Variants in BMPER observed in about 807,000 individuals in gnomAD.
BMPER encodes the protein BMP-binding endothelial regulator protein.
A neutral mutation model predicts 87.3 loss-of-function variants in BMPER; 45 were observed. The ratio of observed to expected loss-of-function variants is 0.52; its 90% CI spans 0.41 to 0.66. BMPER has a LOEUF of 0.66. Among genes scored for constraint, BMPER ranks in the 30% least tolerant of loss-of-function variants. The pLI, the probability that BMPER is intolerant of heterozygous loss-of-function variation, is 0.00. For synonymous variants in BMPER, 326 were observed against 316.2 expected, an observed-to-expected ratio of 1.03 and a Z score of -0.33; for missense variants, 784 against 867.5, an observed-to-expected ratio of 0.90 and a Z score of 1.21.
chr7:33,906,778 G>C (rs765235612), intron 1 of BMPER, 40 bp from the exon 2 acceptor site: 3 of 1,558,836 alleles, frequency 1.9e-6, no homozygotes, highest in East Asian at 2.2e-5. Flanking sequence ...ATGCTGCTAA[G>C]CTAACTTTAA....
chr7:34,115,560 C>A (rs538991267), intron 13 of BMPER, among the ~76,000 whole-genome samples: 64 of 152,286 alleles, frequency 4.2e-4, no homozygotes, highest in Admixed American at 2.4e-3. Context: ...TAGATTTTCC[C>A]ATTCTGAACA....
Position 34,051,977 on chromosome 7 carries a change from C to T in BMPER, c.786+7C>T, listed in dbSNP as rs201938612. The T allele has an allele frequency of 2.5e-6, 4 of 1,604,876 alleles. No individual in the cohort carries two copies. The highest frequency in any genetic ancestry group is 3.4e-6 in the Non-Finnish European group (4 of 1,171,650). ...CACAGCTTGTACCTGCAGGGTAAGGCAGCTCTGAGAGGCTGTGGTCCAGCA... is the reference window on the plus strand; with the variant it reads ...CACAGCTTGTACCTGCAGGGTAAGGTAGCTCTGAGAGGCTGTGGTCCAGCA... On this transcript the variant is annotated splice_region_variant and intron_variant, in intron 8 of 14. Coordinates refer to ENST00000649409, the MANE Select transcript of BMPER (RefSeq NM_001365308.1).
chr7:33,947,938 TTA>T (rs1784926634), intron 3 of BMPER, among the ~76,000 whole-genome samples: 1 of 152,194 alleles, frequency 6.6e-6, no homozygotes, highest in Admixed American at 6.5e-5. Context: ...AAAAAAACTC[TTA>T]TATGAAAATA....
At chr7:34,118,042 G>A (rs1672655983) in intron 13 of BMPER, among the ~76,000 whole-genome samples, 2 of 152,236 alleles carry the variant, frequency 1.3e-5, no homozygotes, top group Admixed American at 6.5e-5. Flanking sequence ...CAGGCCCAGT[G>A]CAGTGGCTCA....
chr7:33,969,374 A>G (rs1012220171), intron 4 of BMPER, among the ~76,000 whole-genome samples: 5 of 152,172 alleles, frequency 3.3e-5, no homozygotes, highest in Non-Finnish European at 7.4e-5. Flanking sequence ...CCCAATATCA[A>G]TTTGCAAATG....
intron 14 of BMPER, among the ~76,000 whole-genome samples, chr7:34,150,554 G>C (rs1365583244): frequency 6.6e-6 from 1 of 152,072 alleles, no homozygotes; most frequent in African/African-American, 2.4e-5. Context: ...TATTCAGCTT[G>C]GATGTTTCCA....
intron 6 of BMPER, among the ~76,000 whole-genome samples, chr7:34,033,525 C>G (rs889814184): frequency 4.6e-5 from 7 of 152,144 alleles, no homozygotes; most frequent in Non-Finnish European, 1.0e-4. Flanking sequence ...TAAGCTTTCA[C>G]TTAATCTGCC....
chr7:34,147,159 C>G (rs1377273610), intron 14 of BMPER, among the ~76,000 whole-genome samples: 1 of 152,182 alleles, frequency 6.6e-6, no homozygotes, highest in Non-Finnish European at 1.5e-5. Flanking sequence ...CCTTGTTTGG[C>G]TCTGCAAACC....
chr7:34,118,653 A>T (rs746767440), intron 13 of BMPER, among the ~76,000 whole-genome samples: 10 of 152,168 alleles, frequency 6.6e-5, no homozygotes, highest in Non-Finnish European at 1.3e-4. Flanking sequence ...TTGTGTGCCA[A>T]TTTGGCTAAG....
chr7:33,910,827 G>C (rs1783942951), intron 2 of BMPER, among the ~76,000 whole-genome samples: 1 of 152,124 alleles, frequency 6.6e-6, no homozygotes, highest in South Asian at 2.1e-4. Flanking sequence ...GGAGCTCCCA[G>C]CATCTTAGAT....
chr7:33,943,275 G>T (rs1182585910), intron 3 of BMPER, among the ~76,000 whole-genome samples: 7 of 152,026 alleles, frequency 4.6e-5, no homozygotes, highest in Admixed American at 4.6e-4. Context: ...TTACATAAAT[G>T]GAAAGAAATG....
At position 34,028,197 on chromosome 7, in the gene BMPER, A is replaced by G. The variant is rs139903354; in HGVS notation, c.577-18109A>G. Among the ~76,000 whole-genome samples, 28 of 152,234 alleles carry G rather than the reference A, an allele frequency of 1.8e-4. No individual in the cohort carries two copies. The East Asian group carries it at 5.4e-3, about 29-fold the overall frequency. On this transcript the variant is annotated intron_variant, in intron 6 of 14. Coordinates refer to ENST00000649409, the MANE Select transcript of BMPER (RefSeq NM_001365308.1). Reference sequence around the variant, plus strand: ...CAACATATTGCAATAAACTGAATGAAACAAATAGGAAAATCCAATGTCTTT... The same window carrying G: ...CAACATATTGCAATAAACTGAATGAGACAAATAGGAAAATCCAATGTCTTT...
At chr7:34,077,380 A>G (rs1257500975) in intron 11 of BMPER, among the ~76,000 whole-genome samples, 1 of 152,176 alleles carries the variant, frequency 6.6e-6, no homozygotes, top group East Asian at 1.9e-4. Flanking sequence ...CAAGAAAGGA[A>G]TAAGAAAGGA....
intron 6 of BMPER, among the ~76,000 whole-genome samples, chr7:33,989,434 A>T (rs567809627): frequency 3.1e-4 from 47 of 152,136 alleles, no homozygotes; most frequent in African/African-American, 1.0e-3. Flanking sequence ...GTGTCTGTTC[A>T]TGTCCTTCGC....
intron 2 of BMPER, among the ~76,000 whole-genome samples, chr7:33,914,043 G>C (rs1003398268): frequency 6.7e-6 from 1 of 149,856 alleles, no homozygotes; most frequent in Non-Finnish European, 1.5e-5. Context: ...CTCACTGCAA[G>C]CTCCGCCTCC....
chr7:34,123,312 G>C (rs1790309267), intron 13 of BMPER, among the ~76,000 whole-genome samples: 1 of 152,138 alleles, frequency 6.6e-6, no homozygotes, highest in South Asian at 2.1e-4. Flanking sequence ...CTATCTTTTA[G>C]CACTAAGATT....
chr7:33,926,594 G>T (rs1387810029), intron 2 of BMPER, among the ~76,000 whole-genome samples: 1 of 152,202 alleles, frequency 6.6e-6, no homozygotes, highest in Non-Finnish European at 1.5e-5. Context: ...ATGGACACTA[G>T]TGGATTAAAA....
intron 6 of BMPER, 79 bp from the exon 7 acceptor site, chr7:34,046,227 T>G: frequency 7.3e-7 from 1 of 1,373,684 alleles, no homozygotes; most frequent in Non-Finnish European, 1.0e-6. Flanking sequence ...GGGCCTTAGG[T>G]TTGTTCTAGA....
chr7:33,951,499 T>G (rs1785023447), intron 3 of BMPER, among the ~76,000 whole-genome samples: 1 of 152,162 alleles, frequency 6.6e-6, no homozygotes, highest in Non-Finnish European at 1.5e-5. Flanking sequence ...GGACATTCTT[T>G]CCCGGCATCC....
Sources: gnomAD v4.1 joint callset for allele counts (sites outside exome capture counted in the v4.1 genomes callset) on GRCh38, gnomAD v4.1.1 for gene constraint, MANE v1.5 for transcripts, NCBI Gene and HGNC (gene_info 2026-07-23, HGNC 2026-07-21) for gene names.